Variants in PCDH9 observed in about 807,000 individuals in gnomAD.
The protein encoded by PCDH9 is protocadherin-9.
PCDH9 carries 24 observed loss-of-function variants against 70.6 expected under a neutral mutation model. The ratio of observed to expected loss-of-function variants is 0.34; its 90% CI spans 0.25 to 0.48. PCDH9 has a LOEUF of 0.48. Ranked by LOEUF, PCDH9 falls within the 20% of genes least tolerant of loss-of-function variation. The probability of loss-of-function intolerance (pLI) is 0.99; values close to 1 mark genes in which losing one functional copy is unlikely to be tolerated. For synonymous variants in PCDH9, 562 were observed against 558.5 expected (o/e 1.01, Z -0.09); for missense variants, 1,281 against 1,503.6 (o/e 0.85, Z 2.45).
chr13:66,907,481 G>A (rs2082382676), intron 2 of PCDH9, among the ~76,000 whole-genome samples: 1 of 152,088 alleles, frequency 6.6e-6, no homozygotes, highest in Admixed American at 6.6e-5. Flanking sequence ...AGTCTGTATT[G>A]CAATATGTGG....
intron 3 of PCDH9, among the ~76,000 whole-genome samples, chr13:66,771,684 T>A (rs1314589367): frequency 6.6e-6 from 1 of 152,234 alleles, no homozygotes; most frequent in African/African-American, 2.4e-5. Context: ...TGCAGTCAAC[T>A]CGAACTAGGT....
chr13:66,502,382 T>C (rs760555284), intron 4 of PCDH9, among the ~76,000 whole-genome samples: 3 of 152,158 alleles, frequency 2.0e-5, no homozygotes, highest in South Asian at 2.1e-4. Flanking sequence ...TTCCATATAA[T>C]AGACTACTTA....
intron 2 of PCDH9, among the ~76,000 whole-genome samples, chr13:67,158,810 C>T (rs886424362): frequency 2.0e-5 from 3 of 152,218 alleles, no homozygotes; most frequent in African/African-American, 7.2e-5. Flanking sequence ...GTGGGACTTG[C>T]TGTCAATGAT....
chr13:66,803,453 C>A (rs529333696), intron 3 of PCDH9, among the ~76,000 whole-genome samples: 7 of 152,208 alleles, frequency 4.6e-5, no homozygotes, highest in Admixed American at 4.6e-4. Flanking sequence ...CCTTAATGCT[C>A]CTCACCAGGC....
intron 4 of PCDH9, among the ~76,000 whole-genome samples, chr13:66,581,973 C>T (rs796881051): frequency 5.2e-4 from 79 of 152,136 alleles, no homozygotes; most frequent in African/African-American, 1.9e-3. Flanking sequence ...CGTCTTTGTC[C>T]CTTTTCAGTT....
chr13:66,522,566 C>G (rs1960044196), intron 4 of PCDH9, among the ~76,000 whole-genome samples: 1 of 151,914 alleles, frequency 6.6e-6, no homozygotes, highest in Non-Finnish European at 1.5e-5. Context: ...TTGACTTCAC[C>G]TGGAAGAATG....
chr13:67,061,810 T>A (rs2085544600), intron 2 of PCDH9, among the ~76,000 whole-genome samples: 1 of 152,162 alleles, frequency 6.6e-6, no homozygotes, highest in Non-Finnish European at 1.5e-5. Context: ...TTTCAGGTAA[T>A]TATCTGAAAC....
chr13:66,607,318 G>GA (rs1271828648), intron 4 of PCDH9, among the ~76,000 whole-genome samples: 1 of 151,940 alleles, frequency 6.6e-6, no homozygotes, highest in East Asian at 1.9e-4. Flanking sequence ...TTTTAGCAAA[G>GA]AAAAAAGTAT....
intron 4 of PCDH9, among the ~76,000 whole-genome samples, chr13:66,343,284 T>A (rs145099778): frequency 5.6e-4 from 86 of 152,228 alleles, no homozygotes; most frequent in Admixed American, 6.5e-4. Context: ...AGGTCACAAG[T>A]CTGGTACAGA....
chr13:66,856,142 C>T lies in PCDH9; in HGVS notation c.3138+47362G>A, dbSNP rs548365014. ...ATAAATGATTTACTAACTTCAATAA[C>T]GCATATAAATAGGAACCTTAAAAAG... On this transcript the variant is annotated intron_variant, in intron 3 of 4. Coordinates refer to ENST00000377865, the MANE Select transcript of PCDH9 (RefSeq NM_203487.3). Among the ~76,000 whole-genome samples, 10 of 151,960 alleles carry T rather than the reference C, an allele frequency of 6.6e-5. No individual in the cohort carries two copies. In the South Asian group the frequency reaches 1.2e-3, roughly 19 times the overall value.
intron 4 of PCDH9, among the ~76,000 whole-genome samples, chr13:66,622,264 A>G (rs1436572965): frequency 6.6e-6 from 1 of 152,108 alleles, no homozygotes; most frequent in Non-Finnish European, 1.5e-5. Context: ...CGAGGAGCCT[A>G]CCCTACGAGT....
chr13:66,414,870 A>T (rs1286194771), intron 4 of PCDH9, among the ~76,000 whole-genome samples: 1 of 152,194 alleles, frequency 6.6e-6, no homozygotes, highest in African/African-American at 2.4e-5. Context: ...TGCATGAACA[A>T]AGCCAAATGG....
chr13:66,797,839 A>T (rs1040975815), intron 3 of PCDH9, among the ~76,000 whole-genome samples: 1 of 152,180 alleles, frequency 6.6e-6, no homozygotes, highest in East Asian at 1.9e-4. Context: ...GCCTTTTCCT[A>T]GCTAAGCTGG....
At chr13:66,804,498 T>C (rs1326608914) in intron 3 of PCDH9, among the ~76,000 whole-genome samples, 4 of 152,104 alleles carry the variant, frequency 2.6e-5, no homozygotes, top group Non-Finnish European at 4.4e-5. Context: ...AAAGGGAACA[T>C]AGTTTCACAA....
intron 4 of PCDH9, among the ~76,000 whole-genome samples, chr13:66,445,604 ATATATAT>A (rs1328687110): frequency 2.9e-5 from 4 of 135,982 alleles, no homozygotes; most frequent in Admixed American, 1.5e-4. Context: ...TTATATACAC[ATATATAT>A]TATATATACA....
chr13:66,764,324 A>G (rs2079676662), intron 3 of PCDH9, among the ~76,000 whole-genome samples: 1 of 151,860 alleles, frequency 6.6e-6, no homozygotes, highest in South Asian at 2.1e-4. Flanking sequence ...TGAGTTAAAC[A>G]AAGTTCAGTT....
chr13:67,194,872 A>G (rs1234573584), intron 2 of PCDH9, among the ~76,000 whole-genome samples: 1 of 152,208 alleles, frequency 6.6e-6, no homozygotes, highest in Non-Finnish European at 1.5e-5. Context: ...TAAAACAAAA[A>G]TGTTTCAAAC....
intron 3 of PCDH9, among the ~76,000 whole-genome samples, chr13:66,750,513 C>T (rs75891385): frequency 0.021 from 3,210 of 151,904 alleles, 124 homozygotes; most frequent in African/African-American, 0.072. Flanking sequence ...CCTGAAGCTG[C>T]CTTTGTGTTT....
At chr13:66,801,548 T>TTA (rs1307177392) in intron 3 of PCDH9, among the ~76,000 whole-genome samples, 5 of 152,078 alleles carry the variant, frequency 3.3e-5, no homozygotes, top group Non-Finnish European at 7.4e-5. Flanking sequence ...TAGTCAATTG[T>TTA]TATGCAAATT....
Sources: gnomAD v4.1 joint callset for allele counts (sites outside exome capture counted in the v4.1 genomes callset) on GRCh38, gnomAD v4.1.1 for gene constraint, MANE v1.5 for transcripts, NCBI Gene and HGNC (gene_info 2026-07-23, HGNC 2026-07-21) for gene names.